The following COL13A1 variants were observed in gnomAD, a reference collection of about 807,000 sequenced individuals.
The protein encoded by COL13A1 is collagen alpha-1(XIII) chain.
Under a neutral mutation model 130.9 loss-of-function variants are expected in COL13A1, and 89 were observed. That is an observed-to-expected ratio of 0.68 (90% CI 0.57 to 0.81). The LOEUF is 0.81. COL13A1 is among the 30% of genes least tolerant of loss of function. The pLI is 0.00. For synonymous variants in COL13A1, 402 were observed against 341.6 expected, an observed-to-expected ratio of 1.18 and a Z score of -1.95; for missense variants, 879 against 934.6, an observed-to-expected ratio of 0.94 and a Z score of 0.78.
At chr10:69,818,036 T>C (rs1281027371) in intron 1 of COL13A1, among the ~76,000 whole-genome samples, 2 of 152,166 alleles carry the variant, frequency 1.3e-5, no homozygotes, top group Non-Finnish European at 2.9e-5. Context: ...TCCCCTCCAA[T>C]CAAGGCTCCC....
At chr10:69,885,013 T>C (rs7923425) in intron 7 of COL13A1, among the ~76,000 whole-genome samples, 16,862 of 152,290 alleles carry the variant, frequency 0.11, 985 homozygotes, top group Middle Eastern at 0.25. Flanking sequence ...GTTTGGTTTT[T>C]TTATTATTAA....
intron 2 of COL13A1, among the ~76,000 whole-genome samples, chr10:69,835,203 G>A (rs1288907283): frequency 6.6e-6 from 1 of 152,158 alleles, no homozygotes; most frequent in Non-Finnish European, 1.5e-5. Flanking sequence ...CCTTGATCTT[G>A]CCACCACCTG....
rs1386460273 is a variant in COL13A1, at chr10:69,802,096, A to C, written c.-328A>C. 3.9e-6 allele frequency: 1 copy of C among 256,416 alleles called. No individual in the cohort carries two copies. Among genetic ancestry groups the C allele is most frequent in the Non-Finnish European group, 7.3e-6 (1 of 137,564 alleles). 15.9% of individuals were successfully genotyped at this position (256,416 alleles called of 1,614,324 possible). A position where few individuals can be genotyped will look rare whatever the true frequency, so the allele number is the denominator to read the frequency against. The stretch of plus-strand genomic sequence containing the variant: ...CAGAAGGACTGACAGCGCGGCACCA[A>C]CTGCTCTGCAGACACTTGAAGGGAA... On this transcript the variant is annotated 5_prime_UTR_variant, in exon 1 of 41. Coordinates refer to ENST00000645393, the MANE Select transcript of COL13A1 (RefSeq NM_001368882.1).
At position 69,905,781 on chromosome 10, in the gene COL13A1, TC is replaced by T. The variant is rs1304548441; in HGVS notation, c.886-3del. 2 of 1,613,490 alleles carry T rather than the reference TC, an allele frequency of 1.2e-6. No homozygotes were observed. On this transcript the variant is annotated splice_polypyrimidine_tract_variant and splice_region_variant and intron_variant, in intron 16 of 40. Transcript: ENST00000645393. ...CTCTTTAATGGCCTTCTCTTTGTTT[TC>T]CCAGGGAGACCCAGGGATCCAGGGC...
intron 2 of COL13A1, among the ~76,000 whole-genome samples, chr10:69,825,071 C>T (rs1227768): frequency 0.8 from 121,023 of 152,120 alleles, 48,287 homozygotes; most frequent in South Asian, 0.89. Context: ...GCAAACCCAA[C>T]CTATTATAAA....
intron 7 of COL13A1, among the ~76,000 whole-genome samples, chr10:69,885,009 T>C (rs2134446835): frequency 6.6e-6 from 1 of 152,344 alleles, no homozygotes. Context: ...AGTTGTTTGG[T>C]TTTTTTATTA....
At chr10:69,840,876 C>CTAAT (rs1380325844) in intron 2 of COL13A1, among the ~76,000 whole-genome samples, 8 of 152,156 alleles carry the variant, frequency 5.3e-5, no homozygotes, top group Admixed American at 2.0e-4. Context: ...ACCCAGCGTT[C>CTAAT]CCCTGCCCCC....
At chr10:69,867,116 T>A (rs1001852373) in intron 2 of COL13A1, among the ~76,000 whole-genome samples, 1 of 152,158 alleles carries the variant, frequency 6.6e-6, no homozygotes, top group Non-Finnish European at 1.5e-5. Context: ...GAGATAGGGC[T>A]GCTGCTGCGG....
chr10:69,881,407 T>A (rs865959182), intron 7 of COL13A1, among the ~76,000 whole-genome samples: 1 of 152,092 alleles, frequency 6.6e-6, no homozygotes, highest in Non-Finnish European at 1.5e-5. Flanking sequence ...TGACCCGCCG[T>A]GCTCAGTGAG....
chr10:69,927,111 G>T lies in COL13A1; in HGVS notation c.1422+1G>T, dbSNP rs1241420007. On this transcript the variant is annotated splice_donor_variant, in intron 27 of 40. Transcript: ENST00000645393. LOFTEE classifies it high-confidence loss of function. ...GGAGATCCGGACGCTGGCCTTGATG[G>T]TAAGTTTTGCTCCTCCTGGCTTTCC... 1 of 1,613,638 alleles carries T rather than the reference G, an allele frequency of 6.2e-7. No individual in the cohort carries two copies. Among genetic ancestry groups the T allele is most frequent in the Non-Finnish European group, 8.5e-7 (1 of 1,179,798 alleles).
chr10:69,836,259 C>T (rs1442471605), intron 2 of COL13A1, among the ~76,000 whole-genome samples: 2 of 152,198 alleles, frequency 1.3e-5, no homozygotes, highest in Admixed American at 6.5e-5. Flanking sequence ...TGGGGCTAGG[C>T]GGTGCCCAGT....
chr10:69,818,727 A>G (rs1452869145), intron 1 of COL13A1, among the ~76,000 whole-genome samples: 1 of 152,176 alleles, frequency 6.6e-6, no homozygotes, highest in African/African-American at 2.4e-5. Context: ...AGGGCAGGAG[A>G]AGATGGATGG....
intron 17 of COL13A1, among the ~76,000 whole-genome samples, chr10:69,911,773 T>C (rs1386112913): frequency 6.6e-6 from 1 of 152,252 alleles, no homozygotes. Context: ...ATTAAGGAAG[T>C]GGAGTGCTTT....
chr10:69,852,714 C>T (rs964732349), intron 2 of COL13A1, among the ~76,000 whole-genome samples: 3 of 152,222 alleles, frequency 2.0e-5, no homozygotes, highest in East Asian at 1.9e-4. Context: ...ACAAGGGTGG[C>T]GCCAAGAGTG....
intron 19 of COL13A1, among the ~76,000 whole-genome samples, chr10:69,918,563 CAAGGCAGCAGG>C (rs2064224478): frequency 1.3e-5 from 2 of 152,172 alleles, no homozygotes; most frequent in Admixed American, 1.3e-4. Flanking sequence ...GCCAATGCAC[CAAGGCAGCAGG>C]AAGGCAGCCC....
chr10:69,932,953 A>G (rs534853394), intron 31 of COL13A1, among the ~76,000 whole-genome samples: 4 of 152,014 alleles, frequency 2.6e-5, no homozygotes, highest in Middle Eastern at 3.4e-3. Flanking sequence ...CCTGGCCAAT[A>G]TGGTGAAACC....
intron 2 of COL13A1, among the ~76,000 whole-genome samples, chr10:69,828,310 C>T (rs1265947376): frequency 6.6e-6 from 1 of 152,080 alleles, no homozygotes; most frequent in Non-Finnish European, 1.5e-5. Context: ...TGCAGCCCCA[C>T]CGCATGTCCC....
intron 14 of COL13A1, among the ~76,000 whole-genome samples, chr10:69,902,496 G>A (rs750313515): frequency 6.6e-5 from 10 of 152,124 alleles, no homozygotes; most frequent in Admixed American, 6.5e-5. Flanking sequence ...ATGTCTCTCC[G>A]CAGCAACTCC....
chr10:69,902,949 G>A, intron 15 of COL13A1, 94 bp downstream of exon 15: 1 of 983,866 alleles, frequency 1.0e-6, no homozygotes, highest in Non-Finnish European at 1.4e-6. Context: ...CCTACAAAAA[G>A]CAGAAATGCC....
Sources: gnomAD v4.1 joint callset for allele counts (sites outside exome capture counted in the v4.1 genomes callset) on GRCh38, gnomAD v4.1.1 for gene constraint, MANE v1.5 for transcripts, NCBI Gene and HGNC (gene_info 2026-07-23, HGNC 2026-07-21) for gene names.